Variants in ADAMTSL1 observed in about 807,000 individuals in gnomAD.
The protein encoded by ADAMTSL1 is ADAMTS like 1.
A neutral mutation model predicts 201.8 loss-of-function variants in ADAMTSL1; 126 were observed. The observed-to-expected ratio is 0.62, with a 90% CI of 0.54 to 0.72. The LOEUF (loss-of-function observed/expected upper bound fraction) is 0.72. ADAMTSL1 is among the 30% of genes least tolerant of loss of function. ADAMTSL1 has a pLI of 0.00. For synonymous variants in ADAMTSL1, 1,121 were observed against 903.4 expected (o/e 1.24, Z -4.32); for missense variants, 2,679 against 2,277.8 (o/e 1.18, Z -3.59).
In ADAMTSL1 at chr9:18,268,258, A is replaced by G. The variant is rs1239408885; in HGVS notation, c.207+104277A>G. Among the ~76,000 whole-genome samples the G allele has an allele frequency of 4.6e-5, 7 of 152,280 alleles. No homozygotes were observed. The South Asian group carries it at 1.0e-3, about 23-fold the overall frequency. ...AATAGTTTGAGGTTGAGTCACTGCT[A>G]CTTGTATTGATTATAATAGTATGTG... On this transcript the variant is annotated intron_variant, in intron 2 of 29. Transcript: ENST00000680146.
intron 2 of ADAMTSL1, among the ~76,000 whole-genome samples, chr9:18,293,168 A>T (rs1181979710): frequency 3.9e-5 from 6 of 152,198 alleles, no homozygotes; most frequent in African/African-American, 1.2e-4. Context: ...TCCACCACTG[A>T]TGGGCACCTA....
intron 3 of ADAMTSL1, among the ~76,000 whole-genome samples, chr9:18,571,244 T>A (rs1317896045): frequency 6.6e-6 from 1 of 152,334 alleles, no homozygotes; most frequent in South Asian, 2.1e-4. Context: ...AAATTTTCCC[T>A]GGTTCATATT....
chr9:17,964,807 C>T (rs994779387), intron 1 of ADAMTSL1, among the ~76,000 whole-genome samples: 13 of 152,122 alleles, frequency 8.5e-5, no homozygotes, highest in African/African-American at 3.1e-4. Flanking sequence ...TCGTGGCTTT[C>T]TTTTGGGGAA....
At chr9:18,567,500 T>A (rs1005885131) in intron 3 of ADAMTSL1, among the ~76,000 whole-genome samples, 8 of 151,998 alleles carry the variant, frequency 5.3e-5, no homozygotes, top group African/African-American at 1.7e-4. Context: ...AGTATAGAGT[T>A]GACATTGGGT....
Position 18,287,598 on chromosome 9 carries a change from CAT to C in ADAMTSL1, c.207+123622_207+123623del, listed in dbSNP as rs1195081204. 2.2e-3 allele frequency among the ~76,000 whole-genome samples: 134 copies of C among 59,958 alleles called. 2 individuals carry two copies. Among genetic ancestry groups the C allele is most frequent in the African/African-American group, 7.3e-3 (130 of 17,738 alleles). 39.3% of individuals were successfully genotyped at this position (59,958 alleles called of 152,430 possible). ...GTAAATATATGTGTATATATACACA[CAT>C]ATATGCATATATGTATGTGTATACA... On this transcript the variant is annotated intron_variant, in intron 2 of 29. Coordinates refer to the ADAMTSL1 transcript ENST00000680146.
chr9:18,541,030 C>T (rs1485552709), intron 3 of ADAMTSL1, among the ~76,000 whole-genome samples: 1 of 152,108 alleles, frequency 6.6e-6, no homozygotes, highest in Non-Finnish European at 1.5e-5. Context: ...CAGAAATTTC[C>T]CTCATACTAT....
intron 16 of ADAMTSL1, among the ~76,000 whole-genome samples, chr9:18,758,036 T>C (rs967067913): frequency 6.6e-6 from 1 of 152,232 alleles, no homozygotes; most frequent in Admixed American, 6.5e-5. Context: ...CCATTTTGCA[T>C]GTGAGGAACC....
chr9:18,211,763 CT>C, intron 2 of ADAMTSL1, among the ~76,000 whole-genome samples: 1 of 152,266 alleles, frequency 6.6e-6, no homozygotes, highest in African/African-American at 2.4e-5. Flanking sequence ...TATCTGTTTC[CT>C]TTACAAAACT....
chr9:18,803,637 C>T (rs937563782), intron 20 of ADAMTSL1, among the ~76,000 whole-genome samples: 9 of 152,258 alleles, frequency 5.9e-5, no homozygotes, highest in East Asian at 3.9e-4. Flanking sequence ...GACTTTCTCA[C>T]GATTTTAGAG....
intron 1 of ADAMTSL1, among the ~76,000 whole-genome samples, chr9:18,489,201 TTAAC>T (rs1279656200): frequency 2.6e-5 from 4 of 152,206 alleles, no homozygotes; most frequent in African/African-American, 9.6e-5. Flanking sequence ...CAAAAACCTC[TTAAC>T]TGTTAGTGGA....
At chr9:18,538,307 A>G (rs540149794) in intron 3 of ADAMTSL1, among the ~76,000 whole-genome samples, 2 of 152,276 alleles carry the variant, frequency 1.3e-5, no homozygotes, top group African/African-American at 4.8e-5. Context: ...TGTGATCTCC[A>G]GCATTGTTGT....
chr9:18,366,310 T>A (rs1440649869), intron 2 of ADAMTSL1, among the ~76,000 whole-genome samples: 4 of 133,454 alleles, frequency 3.0e-5, no homozygotes, highest in Admixed American at 3.0e-4. Context: ...TGAGCGTGCA[T>A]CAGCTTCCTT....
chr9:18,038,563 A>G (rs760048801), intron 1 of ADAMTSL1, among the ~76,000 whole-genome samples: 11 of 152,090 alleles, frequency 7.2e-5, no homozygotes, highest in Non-Finnish European at 1.3e-4. Context: ...TGTGTCTGCT[A>G]TTTTGCCTAA....
At chr9:18,468,882 C>T (rs1821102986) in intron 2 of ADAMTSL1, among the ~76,000 whole-genome samples, 1 of 152,142 alleles carries the variant, frequency 6.6e-6, no homozygotes, top group Non-Finnish European at 1.5e-5. Context: ...GGAGACGAAT[C>T]AGATCAAATT....
chr9:18,864,639 C>T (rs1353510055), intron 23 of ADAMTSL1, among the ~76,000 whole-genome samples: 3 of 152,160 alleles, frequency 2.0e-5, no homozygotes, highest in African/African-American at 7.2e-5. Context: ...TGCCAGGGCT[C>T]CCAGTTTTCT....
At chr9:18,304,274 G>A (rs1198695261) in intron 2 of ADAMTSL1, among the ~76,000 whole-genome samples, 2 of 151,784 alleles carry the variant, frequency 1.3e-5, no homozygotes, top group Non-Finnish European at 2.9e-5. Flanking sequence ...CTAGAGCTTG[G>A]CCCACTTCTT....
intron 2 of ADAMTSL1, among the ~76,000 whole-genome samples, chr9:18,362,895 A>G (rs1036038313): frequency 7.2e-5 from 11 of 152,216 alleles, no homozygotes; most frequent in African/African-American, 2.4e-4. Context: ...TCTCTAACAG[A>G]GCAAAGAAAT....
At chr9:18,318,225 G>C (rs1834482571) in intron 2 of ADAMTSL1, among the ~76,000 whole-genome samples, 1 of 152,172 alleles carries the variant, frequency 6.6e-6, no homozygotes, top group Non-Finnish European at 1.5e-5. Flanking sequence ...ATCATTATGA[G>C]AGAGGTCATA....
intron 1 of ADAMTSL1, among the ~76,000 whole-genome samples, chr9:17,925,699 C>G (rs1826494719): frequency 8.6e-6 from 1 of 116,856 alleles, no homozygotes; most frequent in Admixed American, 9.7e-5. Context: ...ACTCTGGGGA[C>G]TGTGGTGGGG....
Sources: allele counts gnomAD v4.1 joint callset (sites outside exome capture counted in the v4.1 genomes callset), GRCh38; gene constraint gnomAD v4.1.1; transcripts MANE v1.5; gene names NCBI Gene and HGNC (gene_info 2026-07-23, HGNC 2026-07-21).